The following ADGRF4 variants were observed in gnomAD, a reference collection of about 807,000 sequenced individuals.
ADGRF4 encodes the protein G-protein coupled receptor PGR18.
Under a neutral mutation model 58.5 loss-of-function variants are expected in ADGRF4, and 63 were observed. The ratio of observed to expected loss-of-function variants is 1.08; its 90% CI spans 0.88 to 1.33. The LOEUF (loss-of-function observed/expected upper bound fraction) is 1.33, where lower values mean the gene tolerates loss of function less well. Ranked by LOEUF, ADGRF4 falls within the 40% of genes most tolerant of loss-of-function variation. ADGRF4 has a pLI of 0.00. For missense variants in ADGRF4, 931 were observed against 843.9 expected (o/e 1.10, Z -1.28); for synonymous variants, 313 against 295.4 (o/e 1.06, Z -0.61).
chr6:47,698,817 C>A (rs1054091377), intron 1 of ADGRF4, 23 bp downstream of exon 1: 2 of 152,168 alleles, frequency 1.3e-5, no homozygotes, highest in African/African-American at 4.8e-5. Context: ...CCTACACCAG[C>A]ACCATTTTCC....
In ADGRF4 at chr6:47,714,647, C is replaced by T. The variant is rs1269677056; in HGVS notation, c.1402C>T (p.Gln468Ter). Reference sequence around the variant, plus strand: ...AGGCTCTCACTTTAACATTAAGGCCCAGGACTACAACATGTGTGTTGCAGT... The same window carrying T: ...AGGCTCTCACTTTAACATTAAGGCCTAGGACTACAACATGTGTGTTGCAGT... ...IIGSHFNIKA[Q>*]DYNMCVAVTF... is the part of the protein sequence containing the mutation. Residue 468 changes from glutamine (Q) to a stop codon, truncating the protein, a stop_gained, in exon 6 of 10, where the codon CAG (glutamine) becomes TAG (stop). Coordinates refer to ENST00000283303, the MANE Select transcript of ADGRF4 (RefSeq NM_153838.5). LOFTEE classifies it high-confidence loss of function. 1.2e-6 allele frequency: 2 copies of T among 1,614,058 alleles called. No individual in the cohort carries two copies. Among genetic ancestry groups the T allele is most frequent in the African/African-American group, 2.7e-5 (2 of 74,938 alleles).
chr6:47,701,984 A>G (rs1475600793), intron 1 of ADGRF4, among the ~76,000 whole-genome samples: 1 of 152,072 alleles, frequency 6.6e-6, no homozygotes, highest in African/African-American at 2.4e-5. Context: ...CATTATAGGT[A>G]TGCACCACCA....
intron 1 of ADGRF4, among the ~76,000 whole-genome samples, chr6:47,702,566 TA>T (rs1336872024): frequency 1.3e-5 from 2 of 152,248 alleles, no homozygotes; most frequent in Non-Finnish European, 2.9e-5. Flanking sequence ...TGGTGGATAA[TA>T]TGCATCAACC....
At chr6:47,715,221 C>A (rs753556770) in intron 6 of ADGRF4, 44 bp downstream of exon 6, 3 of 1,359,130 alleles carry the variant, frequency 2.2e-6, no homozygotes, top group South Asian at 1.4e-5. Flanking sequence ...TCCGACTAGA[C>A]CACAAAAAAA....
chr6:47,718,141 T>C (rs1373895736), intron 8 of ADGRF4, among the ~76,000 whole-genome samples: 1 of 152,236 alleles, frequency 6.6e-6, no homozygotes, highest in African/African-American at 2.4e-5. Context: ...GAATGTATCT[T>C]ATATTCAATG....
In ADGRF4 at chr6:47,715,088, G is replaced by A; in HGVS notation, c.1843G>A (p.Gly615Arg). ...KNVAILTPLL[G>R]LTWGFGIATL... Reference sequence around the variant, plus strand: ...TGTTGCCATCCTCACTCCACTGCTGGGACTGACCTGGGGTTTTGGAATAGC... The same window carrying A: ...TGTTGCCATCCTCACTCCACTGCTGAGACTGACCTGGGGTTTTGGAATAGC... The change falls in exon 6 of 10, where the codon GGA (glycine) becomes AGA (arginine). Residue 615 changes from glycine (G) to arginine (R), a missense_variant. By Grantham distance (125) the Gly-to-Arg change is moderately radical. Coordinates refer to ENST00000283303, the MANE Select transcript of ADGRF4 (RefSeq NM_153838.5). The A allele has an allele frequency of 6.2e-7, 1 of 1,611,772 alleles. No individual in the cohort carries two copies. Among genetic ancestry groups the A allele is most frequent in the South Asian group, 1.1e-5 (1 of 91,026 alleles).
At position 47,714,381 on chromosome 6, in the gene ADGRF4, A is replaced by G; in HGVS notation, c.1136A>G (p.Asn379Ser). 1.2e-6 allele frequency: 2 copies of G among 1,614,118 alleles called. No homozygotes were observed. ...DIRNEVKCRCNYTSVVMSFSI... is the reference protein window; with the variant it reads ...DIRNEVKCRCSYTSVVMSFSI... ...AGGAACGAAGTGAAATGCCGCTGTAACTACACCAGTGTGGTGATGTCTTTT... is the reference window on the plus strand; with the variant it reads ...AGGAACGAAGTGAAATGCCGCTGTAGCTACACCAGTGTGGTGATGTCTTTT... The change falls in exon 6 of 10, where the codon AAC becomes AGC. Residue 379 changes from asparagine to serine, a missense_variant. Asn to Ser is a conservative substitution (Grantham distance 46). Coordinates refer to ENST00000283303, the MANE Select transcript of ADGRF4 (RefSeq NM_153838.5).
At chr6:47,717,223 T>A in intron 7 of ADGRF4, 69 bp from the exon 8 acceptor site, 1 of 1,120,306 alleles carries the variant, frequency 8.9e-7, no homozygotes, top group Non-Finnish European at 1.4e-6. Flanking sequence ...TCTTAAAGTT[T>A]CAGGACAGGC....
At chr6:47,709,564 A>G (rs1771809160) in intron 3 of ADGRF4, among the ~76,000 whole-genome samples, 1 of 152,266 alleles carries the variant, frequency 6.6e-6, no homozygotes, top group African/African-American at 2.4e-5. Flanking sequence ...CATGGGTCAT[A>G]CAGACACTAA....
chr6:47,703,190 A>G lies in ADGRF4; in HGVS notation c.-16-4040A>G, dbSNP rs371201781. Among the ~76,000 whole-genome samples the G allele has an allele frequency of 1.2e-4, 19 of 152,362 alleles. No individual in the cohort carries two copies. In the East Asian group the frequency reaches 2.9e-3, roughly 23 times the overall value. On this transcript the variant is annotated intron_variant, in intron 1 of 9. Coordinates refer to ENST00000283303, the MANE Select transcript of ADGRF4 (RefSeq NM_153838.5). ...TGATAAACTCCAATTCACTTTAATTATTAATCTTTATCAGTGGTAGATCTA... is the reference window on the plus strand; with the variant it reads ...TGATAAACTCCAATTCACTTTAATTGTTAATCTTTATCAGTGGTAGATCTA...
chr6:47,717,455 G>A, intron 8 of ADGRF4, 104 bp downstream of exon 8: 1 of 784,224 alleles, frequency 1.3e-6, no homozygotes, highest in Non-Finnish European at 2.3e-6. Context: ...GGGCAAAGAG[G>A]ATCAATAAAG....
chr6:47,713,926 C>T lies in ADGRF4; in HGVS notation c.681C>T (p.Ile227=). ...ATTTGTTTGCCAGACAACTCCACAT[C>T]CACAATAATTCTGAGAACATTGTGA... ...SVNLFARQLH[I]HNNSENIVNE... Residue 227 remains isoleucine (I), a synonymous_variant, in exon 6 of 10, where the codon ATC becomes ATT. Transcript: ENST00000283303. 2.5e-6 allele frequency: 4 copies of T among 1,610,370 alleles called. No homozygotes were observed. Among genetic ancestry groups the T allele is most frequent in the Non-Finnish European group, 3.4e-6 (4 of 1,178,284 alleles).
At position 47,713,858 on chromosome 6, in the gene ADGRF4, A is replaced by G; in HGVS notation, c.613A>G (p.Ile205Val). 1.9e-6 allele frequency: 3 copies of G among 1,597,936 alleles called. No individual in the cohort carries two copies. Among genetic ancestry groups the G allele is most frequent in the Non-Finnish European group, 2.6e-6 (3 of 1,172,914 alleles). ...DTAAISNWAF[I>V]PNKNASSDLL... ...AGCAGCCATTTCAAACTGGGCTTTC[A>G]TTCCCAACAAAAATGCCAGCTCGGA... The change falls in exon 6 of 10, where the codon ATT (isoleucine) becomes GTT (valine). Residue 205 changes from isoleucine (I) to valine (V), a missense_variant. Physicochemically the swap from Ile to Val is conservative, Grantham distance 29. Coordinates refer to ENST00000283303, the MANE Select transcript of ADGRF4 (RefSeq NM_153838.5).
At chr6:47,716,893 G>A in intron 7 of ADGRF4, 46 bp downstream of exon 7, 1 of 1,331,948 alleles carries the variant, frequency 7.5e-7, no homozygotes. Context: ...TCATGTGGCT[G>A]GGGGAAGCAG....
At chr6:47,708,624 G>A (rs567418675) in intron 3 of ADGRF4, among the ~76,000 whole-genome samples, 2 of 152,232 alleles carry the variant, frequency 1.3e-5, no homozygotes, top group Non-Finnish European at 2.9e-5. Flanking sequence ...ATATTTTCAG[G>A]GTGCTTAAAT....
Position 47,709,849 on chromosome 6 carries a change from G to GTT in ADGRF4, c.149-877_149-876dup, listed in dbSNP as rs71305748. On this transcript the variant is annotated intron_variant, in intron 3 of 9. Transcript: ENST00000283303. ...CTTTCCTAGTCTACGTAGCATCACA[G>GTT]TTTTTTTTTTGTATTTTTGTGCTTT... Among the ~76,000 whole-genome samples the GTT allele has an allele frequency of 4.4e-3, 646 of 147,602 alleles. 3 individuals carry two copies. Among genetic ancestry groups the GTT allele is most frequent in the African/African-American group, 0.014 (563 of 40,312 alleles).
chr6:47,716,759 A>AT, intron 6 of ADGRF4, 47 bp from the exon 7 acceptor site: 4 of 1,437,086 alleles, frequency 2.8e-6, no homozygotes, highest in Non-Finnish European at 3.9e-6. Flanking sequence ...CAGCAGGAAT[A>AT]TTTTTTGAAA....
At position 47,713,984 on chromosome 6, in the gene ADGRF4, A is replaced by G. The variant is rs1771935564; in HGVS notation, c.739A>G (p.Ile247Val). ...CTTCATTCAGACAAAAGGGTTTCAC[A>G]TCAACCATAATACCTCAGAGAAAAG... ...ELFIQTKGFH[I>V]NHNTSEKSLN... The change falls in exon 6 of 10, where the codon ATC becomes GTC. Residue 247 changes from isoleucine (I) to valine (V), a missense_variant. Coordinates refer to ENST00000283303, the MANE Select transcript of ADGRF4 (RefSeq NM_153838.5). 1 of 1,604,378 alleles carries G rather than the reference A, an allele frequency of 6.2e-7. No individual in the cohort carries two copies. The highest frequency in any genetic ancestry group is 1.1e-5 in the South Asian group (1 of 89,358).
At position 47,715,048 on chromosome 6, in the gene ADGRF4, G is replaced by A. The variant is rs749126534; in HGVS notation, c.1803G>A (p.Met601Ile). ...AGTCTCAGGATGTGGTCATAATTATGAGGATCAGCAAAAATGTTGCCATCC... is the reference window on the plus strand; with the variant it reads ...AGTCTCAGGATGTGGTCATAATTATAAGGATCAGCAAAAATGTTGCCATCC... ...SSKSQDVVIIMRISKNVAILT... is the reference protein window; with the variant it reads ...SSKSQDVVIIIRISKNVAILT... Residue 601 changes from methionine to isoleucine, a missense_variant, in exon 6 of 10, where the codon ATG (methionine) becomes ATA (isoleucine). Met to Ile is a conservative substitution (Grantham distance 10). Coordinates refer to ENST00000283303, the MANE Select transcript of ADGRF4 (RefSeq NM_153838.5). 6.2e-7 allele frequency: 1 copy of A among 1,613,380 alleles called. No individual in the cohort carries two copies. Among genetic ancestry groups the A allele is most frequent in the Non-Finnish European group, 8.5e-7 (1 of 1,179,376 alleles).
Sources: allele counts gnomAD v4.1 joint callset (sites outside exome capture counted in the v4.1 genomes callset), GRCh38; gene constraint gnomAD v4.1.1; transcripts MANE v1.5; gene names NCBI Gene and HGNC (gene_info 2026-07-23, HGNC 2026-07-21).